ZNF517: variants seen among roughly 807,000 people sequenced by gnomAD.
ZNF517 encodes zinc finger protein 517.
In ZNF517, 12 loss-of-function variants were observed where a neutral mutation model predicts 12.1. That is an observed-to-expected ratio of 0.99 (90% CI 0.63 to 1.61). The LOEUF (loss-of-function observed/expected upper bound fraction) is 1.61. Ranked by LOEUF, ZNF517 falls within the 40% of genes most tolerant of loss-of-function variation. The pLI is 0.00. For synonymous variants in ZNF517, 388 were observed against 310.2 expected, an observed-to-expected ratio of 1.25 and a Z score of -2.63; for missense variants, 781 against 693.2, an observed-to-expected ratio of 1.13 and a Z score of -1.42.
chr8:144,807,206 C>T lies in ZNF517; in HGVS notation c.290C>T (p.Ala97Val). The T allele has an allele frequency of 2.0e-6, 3 of 1,528,630 alleles. No homozygotes were observed. The highest frequency in any genetic ancestry group is 2.6e-6 in the Non-Finnish European group (3 of 1,140,238). The allele number at this position is 1,528,630 out of a possible 1,614,324, so 94.7% of individuals were successfully genotyped here. The part of the protein sequence containing the change: ...ASLCTDSRME[A>V]GIMESPLQRK... The stretch of plus-strand genomic sequence containing the variant: ...CTTCTCTCAGATTCCAGGATGGAGG[C>T]TGGGATCATGGAGTCTCCTCTGCAG... Residue 97 changes from alanine to valine, a missense_variant, in exon 5 of 5, where the codon GCT becomes GTT. Coordinates refer to ENST00000359971, the MANE Select transcript of ZNF517 (RefSeq NM_213605.3).
Position 144,808,256 on chromosome 8 carries a change from G to T in ZNF517, c.1340G>T (p.Ser447Ile). Residue 447 changes from serine (S) to isoleucine (I), a missense_variant, in exon 5 of 5, where the codon AGC (serine) becomes ATC (isoleucine). Physicochemically the swap from Ser to Ile is moderately radical, Grantham distance 142. Transcript: ENST00000359971. ...YTLNEHYRLHSGERPYRCRAC... is the reference protein window; with the variant it reads ...YTLNEHYRLHIGERPYRCRAC... ...CTGAACGAGCACTACCGGCTCCACA[G>T]CGGCGAGAGGCCATACCGGTGCCGC... is the stretch of plus-strand genomic sequence containing the variant. 6.3e-7 allele frequency: 1 copy of T among 1,591,708 alleles called. No homozygotes were observed.
At chr8:144,812,292 G>A (rs1827581398), downstream of ZNF517, among the ~76,000 whole-genome samples, 1 of 126,332 alleles carries the variant, frequency 7.9e-6, no homozygotes, top group Non-Finnish European at 1.6e-5. Flanking sequence ...AGACAGGGTG[G>A]GAGAGACACG....
At chr8:144,813,471 C>G (rs557089381), downstream of ZNF517, among the ~76,000 whole-genome samples, 2 of 152,020 alleles carry the variant, frequency 1.3e-5, no homozygotes, top group East Asian at 3.9e-4. Flanking sequence ...AATGACAATA[C>G]TACCAAAAGC....
intron 4 of ZNF517, among the ~76,000 whole-genome samples, chr8:144,806,491 T>C (rs1347199539): frequency 8.6e-5 from 13 of 150,308 alleles, no homozygotes; most frequent in Admixed American, 8.6e-4. Flanking sequence ...TTTATTTTTA[T>C]TATTTTTTTG....
chr8:144,807,870 G>T lies in ZNF517; in HGVS notation c.954G>T (p.Arg318=), dbSNP rs1422600788. The stretch of plus-strand genomic sequence containing the variant: ...TCCACAGCGGGGAGCGGCCCTACCG[G>T]TGCCTGCGGTGTGGGCAGCGCTTCA... ...GRIHSGERPY[R]CLRCGQRFIR... is the part of the protein sequence containing the mutation. The change falls in exon 5 of 5, where the codon CGG becomes CGT. Residue 318 remains arginine, a synonymous_variant. Coordinates refer to ENST00000359971, the MANE Select transcript of ZNF517 (RefSeq NM_213605.3). The T allele has an allele frequency of 6.4e-7, 1 of 1,570,588 alleles. No homozygotes were observed. Among genetic ancestry groups the T allele is most frequent in the Non-Finnish European group, 8.6e-7 (1 of 1,159,974 alleles).
chr8:144,807,904 T>C lies in ZNF517; in HGVS notation c.988T>C (p.Ser330Pro). The change falls in exon 5 of 5, where the codon TCC becomes CCC. Residue 330 changes from serine to proline, a missense_variant. Transcript: ENST00000359971. ...GTGTGGGCAGCGCTTCATCCGAGGGTCCTCGCTCCTGAAGCACCACCGGCT... is the reference window on the plus strand; with the variant it reads ...GTGTGGGCAGCGCTTCATCCGAGGGCCCTCGCTCCTGAAGCACCACCGGCT... ...LRCGQRFIRGSSLLKHHRLHA... is the reference protein window; with the variant it reads ...LRCGQRFIRGPSLLKHHRLHA... The C allele has an allele frequency of 6.5e-7, 1 of 1,531,532 alleles. No homozygotes were observed. Among genetic ancestry groups the C allele is most frequent in the Non-Finnish European group, 8.7e-7 (1 of 1,143,944 alleles). 94.9% of individuals were successfully genotyped at this position (1,531,532 alleles called of 1,614,324 possible). A position where few individuals can be genotyped will look rare whatever the true frequency, so the allele number is the denominator to read the frequency against.
rs1473170150 is a variant in ZNF517, at chr8:144,807,997, C to T, written c.1081C>T (p.Pro361Ser). 2 of 1,558,268 alleles carry T rather than the reference C, an allele frequency of 1.3e-6. No individual in the cohort carries two copies. Among genetic ancestry groups the T allele is most frequent in the East Asian group, 2.3e-5 (1 of 42,868 alleles). Residue 361 changes from proline to serine, a missense_variant, in exon 5 of 5, where the codon CCC (proline) becomes TCC (serine). By Grantham distance (74) the Pro-to-Ser change is moderately conservative. Transcript: ENST00000359971. ...CGCCCTGCTCGGAGCTGCGCAGAGG[C>T]CCCAGGCGGGGGACCCGCCCCACGA... ...QGALLGAAQR[P>S]QAGDPPHECP...
chr8:144,803,760 C>A lies in ZNF517; in HGVS notation c.153C>A (p.Ala51=). 7 of 1,613,998 alleles carry A rather than the reference C, an allele frequency of 4.3e-6. No homozygotes were observed. Among genetic ancestry groups the A allele is most frequent in the Non-Finnish European group, 5.9e-6 (7 of 1,179,888 alleles). Residue 51 remains alanine (A), a synonymous_variant, in exon 3 of 5, where the codon GCC becomes GCA. Transcript: ENST00000359971. The part of the protein sequence containing the change: ...DVMLENYGNL[A]SLGFLVAKPA... ...TGCTGGAGAACTATGGGAACCTGGC[C>A]TCACTAGGTGAGGGCTTCTGCCTTT...
rs766443834 is a variant in ZNF517, at chr8:144,803,686, G to C, written c.79G>C (p.Glu27Gln). ...TGTGGCTGTGTACTTCACAAGGATA[G>C]AGTGGAGTTGCCTGGCCCCCGACCA... ...EDVAVYFTRI[E>Q]WSCLAPDQQA... The change falls in exon 3 of 5, where the codon GAG becomes CAG. Residue 27 changes from glutamate to glutamine, a missense_variant. By Grantham distance (29) the Glu-to-Gln change is conservative (BLOSUM62 2). Coordinates refer to ENST00000359971, the MANE Select transcript of ZNF517 (RefSeq NM_213605.3). The C allele has an allele frequency of 3.7e-6, 6 of 1,614,184 alleles. No individual in the cohort carries two copies. Among genetic ancestry groups the C allele is most frequent in the South Asian group, 3.3e-5 (3 of 91,086 alleles).
At chr8:144,802,833 C>G in intron 1 of ZNF517, 37 bp from the exon 2 acceptor site, 3 of 1,611,034 alleles carry the variant, frequency 1.9e-6, no homozygotes, top group Non-Finnish European at 1.7e-6. Context: ...GGCCTTAGGC[C>G]TGGGCTCTTT....
Position 144,807,439 on chromosome 8 carries a change from G to GC in ZNF517, c.529dup (p.Arg177ProfsTer53), listed in dbSNP as rs762947907. The GC allele has an allele frequency of 4.0e-5, 63 of 1,572,322 alleles. No individual in the cohort carries two copies. The Admixed American group carries it at 7.8e-4, about 20-fold the overall frequency. On this transcript the variant is annotated frameshift_variant, in exon 5 of 5. Transcript: ENST00000359971. LOFTEE classifies it low-confidence loss of function (END_TRUNC). ...CCTGGGCCGGCCTGTGGGGAGCTCA[G>GC]CCCCCCGCTACAGGTGCGTGTGCGG...
downstream of ZNF517, chr8:144,811,224 G>C (rs1238947334): frequency 6.6e-6 from 1 of 152,322 alleles, no homozygotes; most frequent in Non-Finnish European, 1.5e-5. Context: ...TTACTCTGTG[G>C]ACCCTGTTCA....
At chr8:144,802,992 G>A (rs767703566) in intron 2 of ZNF517, 45 bp downstream of exon 2, 7 of 1,611,208 alleles carry the variant, frequency 4.3e-6, no homozygotes, top group Non-Finnish European at 5.9e-6. Context: ...AGACTGCTTC[G>A]CCCCTAGCCT....
intron 1 of ZNF517, chr8:144,800,535 C>T (rs1350696361): frequency 7.1e-6 from 7 of 985,306 alleles, no homozygotes; most frequent in Non-Finnish European, 8.4e-6. Context: ...TTCTGGCAGC[C>T]TCATACCCTG....
At chr8:144,800,001 C>G (rs1006733445) in intron 1 of ZNF517, among the ~76,000 whole-genome samples, 1 of 152,164 alleles carries the variant, frequency 6.6e-6, no homozygotes, top group East Asian at 1.9e-4. Flanking sequence ...AGGAGAGAAG[C>G]AGCCACAGAT....
Position 144,807,680 on chromosome 8 carries a change from A to T in ZNF517, c.764A>T (p.His255Leu). Residue 255 changes from histidine to leucine, a missense_variant, in exon 5 of 5, where the codon CAC (histidine) becomes CTC (leucine). Physicochemically the swap from His to Leu is moderately conservative, Grantham distance 99. Coordinates refer to ENST00000359971, the MANE Select transcript of ZNF517 (RefSeq NM_213605.3). Reference protein sequence around the residue: ...STQLAAHHRVHTRERPYACGE... With the variant: ...STQLAAHHRVLTRERPYACGE... Reference sequence around the variant, plus strand: ...CAGCTGGCTGCCCACCACCGCGTCCACACCCGCGAGCGGCCCTACGCATGC... The same window carrying T: ...CAGCTGGCTGCCCACCACCGCGTCCTCACCCGCGAGCGGCCCTACGCATGC... 6.2e-7 allele frequency: 1 copy of T among 1,610,290 alleles called. No homozygotes were observed. The highest frequency in any genetic ancestry group is 8.5e-7 in the Non-Finnish European group (1 of 1,179,382).
chr8:144,803,736 G>C lies in ZNF517; in HGVS notation c.129G>C (p.Met43Ile). 6.2e-7 allele frequency: 1 copy of C among 1,614,188 alleles called. No individual in the cohort carries two copies. The highest frequency in any genetic ancestry group is 8.5e-7 in the Non-Finnish European group (1 of 1,179,998). Reference sequence around the variant, plus strand: ...AGCAGGCACTCTACAGGGACGTGATGCTGGAGAACTATGGGAACCTGGCCT... The same window carrying C: ...AGCAGGCACTCTACAGGGACGTGATCCTGGAGAACTATGGGAACCTGGCCT... ...PDQQALYRDVMLENYGNLASL... is the reference protein window; with the variant it reads ...PDQQALYRDVILENYGNLASL... Residue 43 changes from methionine to isoleucine, a missense_variant, in exon 3 of 5, where the codon ATG becomes ATC. Transcript: ENST00000359971.
In ZNF517 at chr8:144,802,959, CT is replaced by C; in HGVS notation, c.33+13del. 1.2e-6 allele frequency: 2 copies of C among 1,613,922 alleles called. No homozygotes were observed. Among genetic ancestry groups the C allele is most frequent in the Non-Finnish European group, 1.7e-6 (2 of 1,179,936 alleles). On this transcript the variant is annotated intron_variant, in intron 2 of 4. Transcript: ENST00000359971. ...TGCCTGGACCTCAGGTGAGCACCCC[CT>C]GAGCCCGTCCATTGCCCCAGGAGAC...
At chr8:144,800,488 G>A (rs1307536117) in intron 1 of ZNF517, 62 of 985,194 alleles carry the variant, frequency 6.3e-5, no homozygotes, top group Non-Finnish European at 7.0e-5. Context: ...TTACCAGAGT[G>A]GAGGGTGGTA....
Sources: gnomAD v4.1 joint callset for allele counts (sites outside exome capture counted in the v4.1 genomes callset) on GRCh38, gnomAD v4.1.1 for gene constraint, MANE v1.5 for transcripts, NCBI Gene and HGNC (gene_info 2026-07-23, HGNC 2026-07-21) for gene names.